The following CSMD1 variants were observed in gnomAD, a reference collection of about 807,000 sequenced individuals.
CSMD1 encodes CUB and sushi domain-containing protein 1.
A neutral mutation model predicts 417.5 loss-of-function variants in CSMD1; 213 were observed. The ratio of observed to expected loss-of-function variants is 0.51; its 90% CI spans 0.46 to 0.57. The LOEUF is 0.57. Ranked by LOEUF, CSMD1 falls within the 20% of genes least tolerant of loss-of-function variation. The probability of loss-of-function intolerance (pLI) is 0.00; values close to 1 mark genes in which losing one functional copy is unlikely to be tolerated. For synonymous variants in CSMD1, 2,862 were observed against 1,736.8 expected, an observed-to-expected ratio of 1.65 and a Z score of -16.11; for missense variants, 6,923 against 4,529.7, an observed-to-expected ratio of 1.53 and a Z score of -15.17.
intron 6 of CSMD1, among the ~76,000 whole-genome samples, chr8:3,722,854 G>C (rs759268042): frequency 4.6e-5 from 7 of 152,316 alleles, no homozygotes; most frequent in Non-Finnish European, 7.4e-5. Context: ...CCCGATTTCA[G>C]GGATGAACTA....
At chr8:4,880,282 C>T (rs780369314) in intron 1 of CSMD1, among the ~76,000 whole-genome samples, 2 of 152,032 alleles carry the variant, frequency 1.3e-5, no homozygotes, top group Non-Finnish European at 2.9e-5. Flanking sequence ...ATGAAGTTAG[C>T]TTTGGGGATC....
intron 2 of CSMD1, among the ~76,000 whole-genome samples, chr8:4,558,727 A>G (rs1309974713): frequency 6.6e-6 from 1 of 152,052 alleles, no homozygotes; most frequent in Non-Finnish European, 1.5e-5. Flanking sequence ...AAATTAGCCC[A>G]GCATGGTGGT....
chr8:3,797,618 T>A (rs1004574335), intron 5 of CSMD1, among the ~76,000 whole-genome samples: 1 of 151,982 alleles, frequency 6.6e-6, no homozygotes, highest in Non-Finnish European at 1.5e-5. Flanking sequence ...CACTTTTTAT[T>A]GTTGGGTAGT....
chr8:3,246,806 A>G (rs540709261), intron 26 of CSMD1, among the ~76,000 whole-genome samples: 126 of 152,228 alleles, frequency 8.3e-4, no homozygotes, highest in South Asian at 1.2e-3. Context: ...ATTTACATGG[A>G]TTTCTCATTC....
At chr8:4,604,882 T>G (rs1800786089) in intron 2 of CSMD1, among the ~76,000 whole-genome samples, 1 of 152,204 alleles carries the variant, frequency 6.6e-6, no homozygotes, top group South Asian at 2.1e-4. Context: ...AGATTTACTT[T>G]GACTCTGACG....
intron 11 of CSMD1, among the ~76,000 whole-genome samples, chr8:3,484,432 T>G (rs1339013031): frequency 6.6e-6 from 1 of 152,180 alleles, no homozygotes; most frequent in African/African-American, 2.4e-5. Context: ...ATACAAAAAC[T>G]AACTCAAAAG....
chr8:3,307,619 G>GT, intron 25 of CSMD1, 76 bp downstream of exon 25: 2 of 1,449,988 alleles, frequency 1.4e-6, no homozygotes, highest in Non-Finnish European at 1.9e-6. Context: ...GATATTTGGT[G>GT]TACCACTATC....
At chr8:4,255,925 T>C (rs377504841) in intron 3 of CSMD1, among the ~76,000 whole-genome samples, 1 of 152,218 alleles carries the variant, frequency 6.6e-6, no homozygotes, top group African/African-American at 2.4e-5. Context: ...TGTTGTGTTC[T>C]TGACTTTCTC....
intron 5 of CSMD1, among the ~76,000 whole-genome samples, chr8:3,930,777 G>A (rs1415793879): frequency 6.6e-6 from 1 of 150,450 alleles, no homozygotes; most frequent in South Asian, 2.1e-4. Context: ...CAGGGAACAA[G>A]CATTTCTAAC....
chr8:3,794,286 G>A (rs149032240), intron 5 of CSMD1, among the ~76,000 whole-genome samples: 160 of 152,192 alleles, frequency 1.1e-3, no homozygotes, highest in Admixed American at 2.9e-3. Context: ...AGTATTCCTA[G>A]GTGTAGCGAC....
intron 2 of CSMD1, among the ~76,000 whole-genome samples, chr8:4,572,189 T>C (rs1349010995): frequency 6.6e-6 from 1 of 152,336 alleles, no homozygotes; most frequent in East Asian, 1.9e-4. Context: ...TGCACAATAG[T>C]TGATGCAGTT....
intron 5 of CSMD1, among the ~76,000 whole-genome samples, chr8:3,810,787 C>T (rs776290531): frequency 2.6e-5 from 4 of 152,048 alleles, no homozygotes; most frequent in African/African-American, 7.2e-5. Flanking sequence ...TCACTGGGTC[C>T]GGCACATCAT....
At chr8:4,233,467 G>A (rs1033429032) in intron 3 of CSMD1, among the ~76,000 whole-genome samples, 14 of 152,190 alleles carry the variant, frequency 9.2e-5, no homozygotes, top group Non-Finnish European at 1.3e-4. Context: ...CTTTGGAAAT[G>A]CTTTGATTAG....
At chr8:4,282,622 T>C (rs1413215091) in intron 3 of CSMD1, among the ~76,000 whole-genome samples, 7 of 152,228 alleles carry the variant, frequency 4.6e-5, no homozygotes, top group Non-Finnish European at 1.5e-5. Flanking sequence ...AGGTAGTTAG[T>C]ATATTGTATG....
intron 2 of CSMD1, among the ~76,000 whole-genome samples, chr8:4,496,575 C>G (rs951897451): frequency 1.3e-5 from 2 of 152,200 alleles, no homozygotes; most frequent in Non-Finnish European, 2.9e-5. Flanking sequence ...CTCCTGCCTT[C>G]TCTCTGCTCC....
intron 8 of CSMD1, among the ~76,000 whole-genome samples, chr8:3,587,854 T>G (rs1800672168): frequency 6.6e-6 from 1 of 152,098 alleles, no homozygotes; most frequent in African/African-American, 2.4e-5. Flanking sequence ...ACCAGGAATC[T>G]AGGACAACTA....
intron 12 of CSMD1, among the ~76,000 whole-genome samples, chr8:3,442,802 T>A (rs551569558): frequency 6.6e-6 from 1 of 152,150 alleles, no homozygotes; most frequent in Admixed American, 6.5e-5. Context: ...TTTTTGTGTC[T>A]ATATTTATGA....
chr8:3,440,580 C>T (rs191996827), intron 12 of CSMD1, among the ~76,000 whole-genome samples: 11 of 152,124 alleles, frequency 7.2e-5, no homozygotes, highest in South Asian at 2.1e-4. Context: ...TAGACGATCA[C>T]GTTACTTGCA....
chr8:3,290,805 A>G (rs1265593247), intron 25 of CSMD1, among the ~76,000 whole-genome samples: 2 of 148,432 alleles, frequency 1.3e-5, no homozygotes, highest in Non-Finnish European at 2.9e-5. Flanking sequence ...TTCCTAATTG[A>G]ATACTCTTTA....
Sources: allele counts gnomAD v4.1 joint callset (sites outside exome capture counted in the v4.1 genomes callset), GRCh38; gene constraint gnomAD v4.1.1; transcripts MANE v1.5; gene names NCBI Gene and HGNC (gene_info 2026-07-23, HGNC 2026-07-21).